Variants in GRPEL1 observed in about 807,000 individuals in gnomAD.
The protein encoded by GRPEL1 is grpE protein homolog 1, mitochondrial.
In GRPEL1, 13 loss-of-function variants were observed where a neutral mutation model predicts 22.1. The observed-to-expected ratio is 0.59, with a 90% CI of 0.38 to 0.94. The LOEUF (loss-of-function observed/expected upper bound fraction) is 0.94, where lower values mean the gene tolerates loss of function less well. GRPEL1 is among the 40% of genes least tolerant of loss of function. GRPEL1 has a pLI of 0.00. For missense variants in GRPEL1, 289 were observed against 264.6 expected (o/e 1.09, Z -0.64); for synonymous variants, 109 against 105.3 (o/e 1.03, Z -0.21).
Position 7,060,087 on chromosome 4 carries a change from A to T in GRPEL1, c.*775T>A, listed in dbSNP as rs1724001837. 1 of 152,238 alleles carries T rather than the reference A, an allele frequency of 6.6e-6. No individual in the cohort carries two copies. The highest frequency in any genetic ancestry group is 1.5e-5 in the Non-Finnish European group (1 of 68,042). 9.4% of individuals were successfully genotyped at this position (152,238 alleles called of 1,614,324 possible). The stretch of plus-strand genomic sequence containing the variant: ...TAAACATTAGGGCTTTAATCCTCTT[A>T]AATAAAAATTTTAAATTAAACATTA... On this transcript the variant is annotated 3_prime_UTR_variant, in exon 4 of 4. Transcript: ENST00000264954.
rs1723994511 is a variant in GRPEL1 at position 7,059,825 on chromosome 4, C to T, written c.*1037G>A. On this transcript the variant is annotated 3_prime_UTR_variant, in exon 4 of 4. Transcript: ENST00000264954. ...TGATTTTGCAAATCCTGTGCCCTTG[C>T]TGTGGCTCCTGGGTGTTTCGTATTC... is the stretch of plus-strand genomic sequence containing the variant. The T allele has an allele frequency of 6.6e-6, 1 of 152,264 alleles. No individual in the cohort carries two copies. The highest frequency in any genetic ancestry group is 1.5e-5 in the Non-Finnish European group (1 of 68,058). The allele number at this position is 152,264 out of a possible 1,614,324, so 9.4% of individuals were successfully genotyped here. A position where few individuals can be genotyped will look rare whatever the true frequency, so the allele number is the denominator to read the frequency against.
chr4:7,066,953 T>G (rs1724183123), intron 1 of GRPEL1, among the ~76,000 whole-genome samples: 1 of 152,268 alleles, frequency 6.6e-6, no homozygotes, highest in African/African-American at 2.4e-5. Flanking sequence ...AACCACCAAT[T>G]ACTTGACCAA....
Position 7,060,615 on chromosome 4 carries a change from A to G in GRPEL1, c.*247T>C. The G allele has an allele frequency of 3.9e-6, 2 of 519,070 alleles. No homozygotes were observed. Among genetic ancestry groups the G allele is most frequent in the South Asian group, 5.2e-5 (2 of 38,414 alleles). 32.2% of individuals were successfully genotyped at this position (519,070 alleles called of 1,614,324 possible). On this transcript the variant is annotated 3_prime_UTR_variant, in exon 4 of 4. Coordinates refer to ENST00000264954, the MANE Select transcript of GRPEL1 (RefSeq NM_025196.4). The stretch of plus-strand genomic sequence containing the variant: ...ACTCATGATGCTCGGGAGACCAGGC[A>G]GGGCCCTGCTGAGCTCTTCTGAAAG...
Position 7,068,047 on chromosome 4 carries a change from G to T in GRPEL1, c.-15C>A, listed in dbSNP as rs1212646965. The T allele has an allele frequency of 1.9e-6, 3 of 1,611,930 alleles. No individual in the cohort carries two copies. The highest frequency in any genetic ancestry group is 2.2e-5 in the South Asian group (2 of 90,824). ...TGAGCCGCCATGACTGCCACTGCCC[G>T]TCGCAGTCGCCGCGCACGCACCAAG... On this transcript the variant is annotated 5_prime_UTR_variant, in exon 1 of 4. Coordinates refer to ENST00000264954, the MANE Select transcript of GRPEL1 (RefSeq NM_025196.4).
At chr4:7,062,929 A>T (rs1196437111) in intron 2 of GRPEL1, among the ~76,000 whole-genome samples, 1 of 152,158 alleles carries the variant, frequency 6.6e-6, no homozygotes, top group Non-Finnish European at 1.5e-5. Flanking sequence ...AGATGTGACT[A>T]AGGAGGGCAG....
Position 7,062,432 on chromosome 4 carries a change from T to C in GRPEL1, c.260A>G (p.Asn87Ser). 2 of 1,597,080 alleles carry C rather than the reference T, an allele frequency of 1.3e-6. No individual in the cohort carries two copies. The highest frequency in any genetic ancestry group is 1.7e-6 in the Non-Finnish European group (2 of 1,168,736). Residue 87 changes from asparagine to serine, a missense_variant, in exon 3 of 4, where the codon AAC becomes AGC. Physicochemically the swap from Asn to Ser is conservative, Grantham distance 46. Coordinates refer to ENST00000264954, the MANE Select transcript of GRPEL1 (RefSeq NM_025196.4). ...KYKRALADTENLRQRSQKLVE... is the reference protein window; with the variant it reads ...KYKRALADTESLRQRSQKLVE... ...CAATTTCTGGCTCCTCTGCCGTAAG[T>C]TCTCAGTGTCTGCCAAAGCTCGTTT...
At chr4:7,067,917 C>A in intron 1 of GRPEL1, 54 bp downstream of exon 1, 1 of 1,578,960 alleles carries the variant, frequency 6.3e-7, no homozygotes, top group South Asian at 1.1e-5. Flanking sequence ...AGGCCCCCAT[C>A]GGAGCGGGAG....
At position 7,060,950 on chromosome 4, in the gene GRPEL1, C is replaced by T. The variant is rs144832422; in HGVS notation, c.566G>A (p.Gly189Asp). 255 of 1,614,220 alleles carry T rather than the reference C, an allele frequency of 1.6e-4. No individual in the cohort carries two copies. In the African/African-American group the frequency reaches 3.2e-3, roughly 20 times the overall value. ...FHTPVEGKEPGTVALVSKVGY... is the reference protein window; with the variant it reads ...FHTPVEGKEPDTVALVSKVGY... ...CACTTTGCTAACTAGGGCCACTGTG[C>T]CTGGCTCCTTCCCCTCAACCGGTGT... Residue 189 changes from glycine to aspartate, a missense_variant, in exon 4 of 4, where the codon GGC becomes GAC. Gly to Asp is a moderately conservative substitution (Grantham distance 94). Coordinates refer to ENST00000264954, the MANE Select transcript of GRPEL1 (RefSeq NM_025196.4).
chr4:7,065,856 CT>C (rs11449578), intron 1 of GRPEL1, among the ~76,000 whole-genome samples: 75 of 142,078 alleles, frequency 5.3e-4, no homozygotes, highest in South Asian at 1.6e-3. Context: ...CAGAGGACCT[CT>C]TTTTTTTTTT....
chr4:7,067,549 C>T, intron 1 of GRPEL1: 2 of 213,658 alleles, frequency 9.4e-6, no homozygotes, highest in East Asian at 1.4e-4. Context: ...GGCTCGGCCT[C>T]GCTGCGTGAC....
rs558355103 is a variant in GRPEL1, at chr4:7,063,558, C to T, written c.225+503G>A. On this transcript the variant is annotated intron_variant, in intron 2 of 3. Coordinates refer to ENST00000264954, the MANE Select transcript of GRPEL1 (RefSeq NM_025196.4). The stretch of plus-strand genomic sequence containing the variant: ...TGGCAGCCAGGATTAACATATGTAA[C>T]GGGTTTGGAATGGTGCCAGCACTCA... Among the ~76,000 whole-genome samples, 5 of 152,170 alleles carry T rather than the reference C, an allele frequency of 3.3e-5. No individual in the cohort carries two copies. The South Asian group carries it at 6.2e-4, about 19-fold the overall frequency.
At chr4:7,064,790 C>T (rs761230166) in intron 1 of GRPEL1, among the ~76,000 whole-genome samples, 24 of 152,186 alleles carry the variant, frequency 1.6e-4, no homozygotes, top group Non-Finnish European at 3.4e-4. Flanking sequence ...TGAGCCACCG[C>T]GCCTGGCCTC....
chr4:7,063,096 C>CTTT (rs767635624), intron 2 of GRPEL1, among the ~76,000 whole-genome samples: 1 of 142,052 alleles, frequency 7.0e-6, no homozygotes. Context: ...TCATCTGAGC[C>CTTT]TTTTTTTTTT....
Position 7,060,963 on chromosome 4 carries a change from C to T in GRPEL1, c.553G>A (p.Gly185Arg). 6.2e-7 allele frequency: 1 copy of T among 1,614,218 alleles called. No homozygotes were observed. The highest frequency in any genetic ancestry group is 1.1e-5 in the South Asian group (1 of 91,084). The change falls in exon 4 of 4, where the codon GGG becomes AGG. Residue 185 changes from glycine (G) to arginine (R), a missense_variant. Gly to Arg is a moderately radical substitution (Grantham distance 125). Coordinates refer to ENST00000264954, the MANE Select transcript of GRPEL1 (RefSeq NM_025196.4). ...AGGGCCACTGTGCCTGGCTCCTTCC[C>T]CTCAACCGGTGTGTGGAACAAGGCC... ...HEALFHTPVE[G>R]KEPGTVALVS...
chr4:7,061,323 C>T, intron 3 of GRPEL1, 115 bp from the exon 4 acceptor site: 1 of 757,374 alleles, frequency 1.3e-6, no homozygotes, highest in Non-Finnish European at 2.1e-6. Context: ...AAATCAATCG[C>T]CTCAGAATTC....
chr4:7,064,449 G>A, intron 1 of GRPEL1: 1 of 371,174 alleles, frequency 2.7e-6, no homozygotes, highest in Non-Finnish European at 4.8e-6. Flanking sequence ...TTAGATCTAA[G>A]ATAAACATAT....
rs60458218 is a variant in GRPEL1, at chr4:7,062,485, G to GAGATTTATATATATATATATATAT, written c.226-20_226-19insATATATATATATATATATAAATCT. 2.7e-6 allele frequency: 1 copy of GAGATTTATATATATATATATATAT among 371,120 alleles called. No individual in the cohort carries two copies. Among genetic ancestry groups the GAGATTTATATATATATATATATAT allele is most frequent in the African/African-American group, 4.9e-5 (1 of 20,268 alleles). The allele number at this position is 371,120 out of a possible 1,614,324, so 23.0% of individuals were successfully genotyped here. ...ATTTTTCCTAAAAGAGAAAAAAAGG[G>GAGATTTATATATATATATATATAT]ATATTTATATATATATATATATATA... On this transcript the variant is annotated intron_variant, in intron 2 of 3. Coordinates refer to ENST00000264954, the MANE Select transcript of GRPEL1 (RefSeq NM_025196.4).
At chr4:7,067,850 G>A (rs1372648725) in intron 1 of GRPEL1, 121 bp downstream of exon 1, 3 of 1,011,260 alleles carry the variant, frequency 3.0e-6, no homozygotes, top group African/African-American at 1.6e-5. Flanking sequence ...GGAACCGCGA[G>A]CCCGGAGATG....
rs1724103473 is a variant in GRPEL1 at position 7,064,109 on chromosome 4, G to A, written c.177C>T (p.Thr59=). ...CCAACTTGACCTTCTCTTCCAGGAG[G>A]GTCTTCTCTGTAGCAGGAGGATCTG... is the stretch of plus-strand genomic sequence containing the variant. ...QKADPPATEK[T]LLEEKVKLEE... The change falls in exon 2 of 4, where the codon ACC becomes ACT. Residue 59 remains threonine, a synonymous_variant. Transcript: ENST00000264954. 1.2e-6 allele frequency: 2 copies of A among 1,614,162 alleles called. No individual in the cohort carries two copies. Among genetic ancestry groups the A allele is most frequent in the South Asian group, 1.1e-5 (1 of 91,076 alleles).
Sources: gnomAD v4.1 joint callset for allele counts (sites outside exome capture counted in the v4.1 genomes callset) on GRCh38, gnomAD v4.1.1 for gene constraint, MANE v1.5 for transcripts, NCBI Gene and HGNC (gene_info 2026-07-23, HGNC 2026-07-21) for gene names.